The following THEMIS variants were observed in gnomAD, a reference collection of about 807,000 sequenced individuals.
The protein encoded by THEMIS is protein THEMIS.
A neutral mutation model predicts 52.6 loss-of-function variants in THEMIS; 37 were observed. The ratio of observed to expected loss-of-function variants is 0.70; its 90% confidence interval spans 0.54 to 0.93. The LOEUF (loss-of-function observed/expected upper bound fraction) is 0.93. Ranked by LOEUF, THEMIS falls within the 40% of genes least tolerant of loss-of-function variation. The probability of loss-of-function intolerance (pLI) is 0.00; values close to 1 mark genes in which losing one functional copy is unlikely to be tolerated. For missense variants in THEMIS, 808 were observed against 763.1 expected (o/e 1.06, Z -0.69); for synonymous variants, 292 against 272.7 (o/e 1.07, Z -0.70).
At chr6:127,797,132 C>A (rs1232498983) in intron 4 of THEMIS, among the ~76,000 whole-genome samples, 1 of 152,204 alleles carries the variant, frequency 6.6e-6, no homozygotes, top group Non-Finnish European at 1.5e-5. Context: ...ACTCCTGCAT[C>A]CGTGCACTAA....
At chr6:127,755,305 A>G (rs1775784399) in intron 4 of THEMIS, among the ~76,000 whole-genome samples, 1 of 152,174 alleles carries the variant, frequency 6.6e-6, no homozygotes, top group African/African-American at 2.4e-5. Flanking sequence ...CTTGTTAGGG[A>G]TTGGTTAGTT....
rs77772645 is a variant in THEMIS at position 127,746,454 on chromosome 6, T to A, written c.1759-26631A>T. Reference sequence around the variant, plus strand: ...TTGCACAAAATAAATGCACAAGAAATATTTGATTAATATTAACTTTAAAAT... The same window carrying A: ...TTGCACAAAATAAATGCACAAGAAAAATTTGATTAATATTAACTTTAAAAT... On this transcript the variant is annotated intron_variant, in intron 4 of 5. Coordinates refer to ENST00000368248, the MANE Select transcript of THEMIS (RefSeq NM_001010923.3). Among the ~76,000 whole-genome samples the A allele has an allele frequency of 7.3e-3, 1,097 of 151,288 alleles. 8 individuals carry two copies. The highest frequency in any genetic ancestry group is 0.017 in the African/African-American group (693 of 41,344).
intron 1 of THEMIS, among the ~76,000 whole-genome samples, chr6:127,915,111 C>A (rs1194347149): frequency 6.6e-6 from 1 of 152,028 alleles, no homozygotes; most frequent in Non-Finnish European, 1.5e-5. Context: ...AGGAAATTTA[C>A]TTTTAGAAGA....
intron 3 of THEMIS, among the ~76,000 whole-genome samples, chr6:127,815,379 A>T (rs911860190): frequency 1.3e-5 from 2 of 152,162 alleles, no homozygotes; most frequent in African/African-American, 4.8e-5. Context: ...CCTCTTATAA[A>T]ACATTACATA....
At position 127,708,595 on chromosome 6, in the gene THEMIS, T is replaced by C. The variant is rs1442397375; in HGVS notation, c.*1390A>G. On this transcript the variant is annotated 3_prime_UTR_variant, in exon 6 of 6. Coordinates refer to ENST00000368248, the MANE Select transcript of THEMIS (RefSeq NM_001010923.3). ...CAAATGTGGGTCTTAGAAAAGTTTC[T>C]GTTCTTATCTGCACAAACAGGCAAA... The C allele has an allele frequency of 1.3e-5, 2 of 152,100 alleles. No homozygotes were observed. Among genetic ancestry groups the C allele is most frequent in the African/African-American group, 2.4e-5 (1 of 41,442 alleles). The allele number at this position is 152,100 out of a possible 1,614,324, so 9.4% of individuals were successfully genotyped here.
chr6:127,916,066 T>G (rs1310504584), intron 1 of THEMIS, among the ~76,000 whole-genome samples: 2 of 152,092 alleles, frequency 1.3e-5, no homozygotes, highest in Admixed American at 6.5e-5. Flanking sequence ...TTCTATTTTT[T>G]GGGCAATGCA....
At chr6:127,757,885 G>C (rs72965789) in intron 4 of THEMIS, among the ~76,000 whole-genome samples, 9,115 of 151,964 alleles carry the variant, frequency 0.06, 354 homozygotes, top group African/African-American at 0.098. Context: ...AGAGCGATCA[G>C]GTAATAAAGG....
chr6:127,884,449 C>T (rs1780584182), intron 1 of THEMIS, among the ~76,000 whole-genome samples: 1 of 152,008 alleles, frequency 6.6e-6, no homozygotes, highest in Admixed American at 6.6e-5. Context: ...ATTAGGCACC[C>T]CCTCTTTTAG....
At chr6:127,853,562 T>C (rs1290295985) in intron 2 of THEMIS, among the ~76,000 whole-genome samples, 1 of 151,656 alleles carries the variant, frequency 6.6e-6, no homozygotes, top group Non-Finnish European at 1.5e-5. Flanking sequence ...GGGGACTGAA[T>C]ACTAGAGCAC....
intron 4 of THEMIS, among the ~76,000 whole-genome samples, chr6:127,748,400 G>T (rs1213812644): frequency 6.6e-6 from 1 of 151,938 alleles, no homozygotes; most frequent in Non-Finnish European, 1.5e-5. Context: ...AAACACCAGA[G>T]GTAGTCTCAC....
intron 1 of THEMIS, among the ~76,000 whole-genome samples, chr6:127,888,087 C>T (rs1246776056): frequency 1.3e-5 from 2 of 151,942 alleles, no homozygotes; most frequent in African/African-American, 2.4e-5. Context: ...GAAGAGTTTT[C>T]CAGATGAAAA....
At chr6:127,727,199 A>C (rs181598896) in intron 4 of THEMIS, among the ~76,000 whole-genome samples, 125 of 152,312 alleles carry the variant, frequency 8.2e-4, no homozygotes, top group Non-Finnish European at 1.3e-3. Context: ...AAAATTTGGA[A>C]GTAATTAATT....
At chr6:127,799,807 A>G (rs1219489288) in intron 4 of THEMIS, among the ~76,000 whole-genome samples, 6 of 152,128 alleles carry the variant, frequency 3.9e-5, no homozygotes, top group Non-Finnish European at 8.8e-5. Flanking sequence ...TTGATTCTCT[A>G]CCATCCTTTA....
intron 4 of THEMIS, among the ~76,000 whole-genome samples, chr6:127,736,170 C>T (rs1038712364): frequency 1.3e-4 from 20 of 152,108 alleles, no homozygotes; most frequent in African/African-American, 4.3e-4. Flanking sequence ...AACATTTAGA[C>T]ATTTCATTTC....
intron 4 of THEMIS, among the ~76,000 whole-genome samples, chr6:127,771,557 A>G (rs1776385531): frequency 6.6e-6 from 1 of 152,204 alleles, no homozygotes; most frequent in South Asian, 2.1e-4. Flanking sequence ...TACTGGTACC[A>G]AAACAGATAT....
In THEMIS at chr6:127,813,728, T is replaced by G. The variant is rs996074547; in HGVS notation, c.913A>C (p.Lys305Gln). 7 of 1,613,836 alleles carry G rather than the reference T, an allele frequency of 4.3e-6. No individual in the cohort carries two copies. Among genetic ancestry groups the G allele is most frequent in the Non-Finnish European group, 5.9e-6 (7 of 1,179,946 alleles). ...TACTTTTTGTGGATCACAATGGTTTTCCCAGGCTGTAAAATGCTTTGGGGC... is the reference window on the plus strand; with the variant it reads ...TACTTTTTGTGGATCACAATGGTTTGCCCAGGCTGTAAAATGCTTTGGGGC... ...HLPQSILQPG[K>Q]TIVIHKKYQA... Residue 305 changes from lysine (K) to glutamine (Q), a missense_variant, in exon 4 of 6, where the codon AAA becomes CAA. Physicochemically the swap from Lys to Gln is moderately conservative, Grantham distance 53. Coordinates refer to ENST00000368248, the MANE Select transcript of THEMIS (RefSeq NM_001010923.3).
chr6:127,892,787 C>T (rs1043942345), intron 1 of THEMIS, among the ~76,000 whole-genome samples: 5 of 152,244 alleles, frequency 3.3e-5, no homozygotes, highest in South Asian at 2.1e-4. Flanking sequence ...AAGTGTGCCT[C>T]GGCTCCTTTC....
chr6:127,758,319 G>A (rs867397020), intron 4 of THEMIS, among the ~76,000 whole-genome samples: 5 of 149,364 alleles, frequency 3.3e-5, no homozygotes, highest in Middle Eastern at 3.5e-3. Context: ...ACCCACAAAC[G>A]GATCAATTTC....
intron 4 of THEMIS, among the ~76,000 whole-genome samples, chr6:127,758,322 T>C (rs940224070): frequency 6.7e-6 from 1 of 149,756 alleles, no homozygotes; most frequent in Non-Finnish European, 1.5e-5. Context: ...CACAAACGGA[T>C]CAATTTCTTA....
Sources: gnomAD v4.1 joint callset for allele counts (sites outside exome capture counted in the v4.1 genomes callset) on GRCh38, gnomAD v4.1.1 for gene constraint, MANE v1.5 for transcripts, NCBI Gene and HGNC (gene_info 2026-07-23, HGNC 2026-07-21) for gene names.